Variants in KCNJ6 observed in about 807,000 individuals in gnomAD.
KCNJ6 encodes G protein-activated inward rectifier potassium channel 2.
A neutral mutation model predicts 34.2 loss-of-function variants in KCNJ6; 9 were observed. The observed-to-expected ratio is 0.26, with a 90% CI of 0.16 to 0.46. The LOEUF is 0.46. Among genes scored for constraint, KCNJ6 ranks in the 20% least tolerant of loss-of-function variants. KCNJ6 has a pLI of 1.00. For missense variants in KCNJ6, 236 were observed against 531.3 expected, an observed-to-expected ratio of 0.44 and a Z score of 5.46; for synonymous variants, 196 against 207.1, an observed-to-expected ratio of 0.95 and a Z score of 0.46.
At chr21:37,647,370 A>C (rs2054410269) in intron 3 of KCNJ6, among the ~76,000 whole-genome samples, 1 of 152,106 alleles carries the variant, frequency 6.6e-6, no homozygotes, top group Non-Finnish European at 1.5e-5. Flanking sequence ...TTTTGTGTCT[A>C]TGTCAGAAAC....
In KCNJ6 at chr21:37,715,115, G is replaced by A. The variant is rs745761037; in HGVS notation, c.42C>T (p.Gly14=). The A allele has an allele frequency of 1.7e-5, 27 of 1,612,876 alleles. 1 individual carries two copies. Among genetic ancestry groups the A allele is most frequent in the South Asian group, 6.6e-5 (6 of 90,844 alleles). Residue 14 remains glycine (G), a synonymous_variant, in exon 3 of 4, where the codon GGC becomes GGT. Coordinates refer to ENST00000609713, the MANE Select transcript of KCNJ6 (RefSeq NM_002240.5). The part of the protein sequence containing the change: ...LTESMTNVLE[G]DSMDQDVESP... ...TTTCGACGTCCTGATCCATGGAGTC[G>A]CCCTCCAGGACGTTAGCTGGTGGTT...
At chr21:37,710,503 G>A (rs902335020) in intron 3 of KCNJ6, among the ~76,000 whole-genome samples, 22 of 152,188 alleles carry the variant, frequency 1.4e-4, no homozygotes, top group African/African-American at 3.9e-4. Flanking sequence ...CAAAAGAAGT[G>A]TAAAATAACC....
intron 1 of KCNJ6, among the ~76,000 whole-genome samples, chr21:37,893,818 C>T (rs1222635598): frequency 6.6e-6 from 1 of 152,142 alleles, no homozygotes; most frequent in Non-Finnish European, 1.5e-5. Context: ...TTCTAAAATA[C>T]TTCAATAAAT....
At chr21:37,883,722 C>T (rs2123626397) in intron 1 of KCNJ6, among the ~76,000 whole-genome samples, 1 of 152,310 alleles carries the variant, frequency 6.6e-6, no homozygotes, top group East Asian at 1.9e-4. Flanking sequence ...AAAGTCATGT[C>T]ACTACTCTGG....
At chr21:37,859,487 T>TTATATATATATATATATATA (rs55859652) in intron 1 of KCNJ6, among the ~76,000 whole-genome samples, 14 of 84,282 alleles carry the variant, frequency 1.7e-4, no homozygotes, top group African/African-American at 3.0e-4. Context: ...TTATATTACT[T>TTATATATATATATATATATA]TATATATATA....
At chr21:37,914,916 GTTTT>G (rs11292118) in intron 1 of KCNJ6, among the ~76,000 whole-genome samples, 19 of 144,670 alleles carry the variant, frequency 1.3e-4, no homozygotes, top group South Asian at 2.2e-4. Flanking sequence ...GAGTTGTGGG[GTTTT>G]TTTTTTTTTC....
chr21:37,905,623 C>A (rs2055837916), intron 1 of KCNJ6, among the ~76,000 whole-genome samples: 1 of 152,184 alleles, frequency 6.6e-6, no homozygotes, highest in Non-Finnish European at 1.5e-5. Context: ...CTGCAGATAC[C>A]AGCCCTTATT....
At chr21:37,897,666 C>T (rs1365754464) in intron 1 of KCNJ6, among the ~76,000 whole-genome samples, 1 of 152,148 alleles carries the variant, frequency 6.6e-6, no homozygotes, top group African/African-American at 2.4e-5. Context: ...CTTTTCTAAG[C>T]CTCTGTCCCC....
rs547350976 is a variant in KCNJ6 at position 37,706,739 on chromosome 21, C to T, written c.946+7472G>A. ...AGAAATTCACATTTACTGTCCACTTCGTTGAAGTATAGCTGTACTTTAAAG... is the reference window on the plus strand; with the variant it reads ...AGAAATTCACATTTACTGTCCACTTTGTTGAAGTATAGCTGTACTTTAAAG... On this transcript the variant is annotated intron_variant, in intron 3 of 3. Transcript: ENST00000609713. 5.3e-5 allele frequency among the ~76,000 whole-genome samples: 8 copies of T among 152,274 alleles called. No individual in the cohort carries two copies. The East Asian group carries it at 5.8e-4, about 11-fold the overall frequency.
At chr21:37,902,333 C>T (rs913186080) in intron 1 of KCNJ6, among the ~76,000 whole-genome samples, 4 of 152,110 alleles carry the variant, frequency 2.6e-5, no homozygotes, top group Non-Finnish European at 5.9e-5. Context: ...ATGTTTTTGC[C>T]AGTACAAGTT....
chr21:37,707,723 A>ATGTGTGTGTG (rs1491422353), intron 3 of KCNJ6, among the ~76,000 whole-genome samples: 22 of 776 alleles, frequency 0.028, no homozygotes, highest in East Asian at 0.12. Context: ...GTATCTGTGC[A>ATGTGTGTGTG]TGTGTGTGTG....
Position 37,731,100 on chromosome 21 carries a change from AGTGTGTG to A in KCNJ6, c.26-15976_26-15970del, listed in dbSNP as rs1201360289. Reference sequence around the variant, plus strand: ...TCTGCCATTGCAGATAGATGAGAGAAGTGTGTGTGTGTGTGTGTGTGTGTGTGTTTGT... The same window carrying A: ...TCTGCCATTGCAGATAGATGAGAGAATGTGTGTGTGTGTGTGTGTGTTTGT... On this transcript the variant is annotated intron_variant, in intron 2 of 3. Transcript: ENST00000609713. Among the ~76,000 whole-genome samples, 4 of 134,784 alleles carry A rather than the reference AGTGTGTG, an allele frequency of 3.0e-5. No individual in the cohort carries two copies. In the South Asian group the frequency reaches 7.0e-4, roughly 24 times the overall value. The allele number at this position is 134,784 out of a possible 152,430, so 88.4% of individuals were successfully genotyped here.
intron 2 of KCNJ6, among the ~76,000 whole-genome samples, chr21:37,786,002 G>A (rs570855875): frequency 1.3e-5 from 2 of 152,328 alleles, no homozygotes; most frequent in African/African-American, 4.8e-5. Context: ...CCAGAGCTGT[G>A]AGAAATAAAT....
chr21:37,765,625 A>G (rs1568840713), intron 2 of KCNJ6, among the ~76,000 whole-genome samples: 1 of 152,228 alleles, frequency 6.6e-6, no homozygotes, highest in Non-Finnish European at 1.5e-5. Context: ...AAATTAACTT[A>G]AAATAACTTA....
chr21:37,632,680 A>G (rs1485084135), intron 3 of KCNJ6, among the ~76,000 whole-genome samples: 1 of 149,824 alleles, frequency 6.7e-6, no homozygotes, highest in African/African-American at 2.4e-5. Context: ...AAAGGTATAC[A>G]TAACTTTAGA....
At chr21:37,641,387 T>C (rs1004429459) in intron 3 of KCNJ6, among the ~76,000 whole-genome samples, 1 of 152,182 alleles carries the variant, frequency 6.6e-6, no homozygotes, top group Non-Finnish European at 1.5e-5. Flanking sequence ...GACTTGGCCC[T>C]CGGATTCATT....
At position 37,840,642 on chromosome 21, in the gene KCNJ6, A is replaced by T; in HGVS notation, c.25+16T>A. ...ATTCAAAACAAAAAATAAATAATAAATTTGAAGCTACTCACTCATGGATTC... is the reference window on the plus strand; with the variant it reads ...ATTCAAAACAAAAAATAAATAATAATTTTGAAGCTACTCACTCATGGATTC... On this transcript the variant is annotated intron_variant, in intron 2 of 3. Transcript: ENST00000609713. 1.3e-6 allele frequency: 2 copies of T among 1,581,226 alleles called. No individual in the cohort carries two copies. Among genetic ancestry groups the T allele is most frequent in the South Asian group, 1.1e-5 (1 of 88,188 alleles).
chr21:37,624,519 T>G lies in KCNJ6; in HGVS notation c.*640A>C, dbSNP rs1440387420. On this transcript the variant is annotated 3_prime_UTR_variant, in exon 4 of 4. Transcript: ENST00000609713. ...ATTTCTAAAGTTATATATCTAAACC[T>G]ACATTAATGATACATCTATGTACAG... 1 of 152,118 alleles carries G rather than the reference T, an allele frequency of 6.6e-6. No individual in the cohort carries two copies. Among genetic ancestry groups the G allele is most frequent in the Non-Finnish European group, 1.5e-5 (1 of 68,000 alleles). The allele number at this position is 152,118 out of a possible 1,614,324, so 9.4% of individuals were successfully genotyped here.
chr21:37,895,817 G>A (rs919612913), intron 1 of KCNJ6, among the ~76,000 whole-genome samples: 18 of 152,168 alleles, frequency 1.2e-4, no homozygotes, highest in African/African-American at 4.3e-4. Context: ...GGAAATCTGA[G>A]GCAAAGCCTT....
Sources: allele counts gnomAD v4.1 joint callset (sites outside exome capture counted in the v4.1 genomes callset), GRCh38; gene constraint gnomAD v4.1.1; transcripts MANE v1.5; gene names NCBI Gene and HGNC (gene_info 2026-07-23, HGNC 2026-07-21).